Variants in PTGDR observed in about 807,000 individuals in gnomAD.
The protein encoded by PTGDR is prostaglandin D2 receptor.
In PTGDR, 19 loss-of-function variants were observed where a neutral mutation model predicts 17.4. That is an observed-to-expected ratio of 1.09 (90% CI 0.76 to 1.60). The LOEUF (loss-of-function observed/expected upper bound fraction) is 1.60, where lower values mean the gene tolerates loss of function less well. PTGDR is among the 40% of genes most tolerant of loss of function. The pLI is 0.00. For synonymous variants in PTGDR, 267 were observed against 224.2 expected, an observed-to-expected ratio of 1.19 and a Z score of -1.71; for missense variants, 526 against 481.9, an observed-to-expected ratio of 1.09 and a Z score of -0.86.
rs2033260834 is a variant in PTGDR, at chr14:52,268,548, A to AGCCC, written c.737_738insCGCC (p.Arg247AlafsTer46). The stretch of plus-strand genomic sequence containing the variant: ...CGCTCCTGCACCAGGGACTGTGCCG[A>AGCCC]GCCGCGCGCGGACGGGAGGGAAGCG... On this transcript the variant is annotated frameshift_variant, in exon 1 of 2. Transcript: ENST00000306051. LOFTEE classifies it high-confidence loss of function. 11 of 1,612,518 alleles carry AGCCC rather than the reference A, an allele frequency of 6.8e-6. No individual in the cohort carries two copies. Among genetic ancestry groups the AGCCC allele is most frequent in the Non-Finnish European group, 9.3e-6 (11 of 1,179,638 alleles).
chr14:52,268,474 C>T lies in PTGDR; in HGVS notation c.660C>T (p.Gly220=), dbSNP rs372145583. ...TCGCCACCGTGCTGTGCAACCTCGG[C>T]GCCATGCGCAACCTCTATGCGATGC... ...LVLATVLCNL[G]AMRNLYAMHR... is the part of the protein sequence containing the mutation. The change falls in exon 1 of 2, where the codon GGC becomes GGT. Residue 220 remains glycine, a synonymous_variant. Transcript: ENST00000306051. The T allele has an allele frequency of 6.2e-7, 1 of 1,610,222 alleles. No individual in the cohort carries two copies.
At chr14:52,269,057 GTTTTA>G (rs1048071865) in intron 1 of PTGDR, among the ~76,000 whole-genome samples, 6 of 152,264 alleles carry the variant, frequency 3.9e-5, no homozygotes, top group Admixed American at 1.3e-4. Context: ...GCTGGGTGAT[GTTTTA>G]TTTTGTTAGA....
rs781400897 is a variant in PTGDR, at chr14:52,268,103, G to C, written c.289G>C (p.Ala97Pro). ...YAQNRSLRVL[A>P]PALDNSLCQA... Reference sequence around the variant, plus strand: ...TCAGAACCGGAGTCTGCGGGTGCTTGCGCCCGCATTGGACAACTCGTTGTG... The same window carrying C: ...TCAGAACCGGAGTCTGCGGGTGCTTCCGCCCGCATTGGACAACTCGTTGTG... Residue 97 changes from alanine (A) to proline (P), a missense_variant, in exon 1 of 2, where the codon GCG becomes CCG. Coordinates refer to ENST00000306051, the MANE Select transcript of PTGDR (RefSeq NM_000953.3). The C allele has an allele frequency of 1.2e-6, 2 of 1,614,018 alleles. No individual in the cohort carries two copies. The highest frequency in any genetic ancestry group is 2.2e-5 in the East Asian group (1 of 44,868).
At chr14:52,279,012 T>C (rs918959612), downstream of PTGDR, among the ~76,000 whole-genome samples, 8 of 152,216 alleles carry the variant, frequency 5.3e-5, no homozygotes, top group African/African-American at 1.9e-4. Context: ...ACATTGAATC[T>C]TTCTTTCCAG....
Position 52,267,808 on chromosome 14 carries a change from G to A in PTGDR, c.-7G>A, listed in dbSNP as rs759912592. On this transcript the variant is annotated 5_prime_UTR_variant, in exon 1 of 2. Coordinates refer to ENST00000306051, the MANE Select transcript of PTGDR (RefSeq NM_000953.3). ...GCCTTCACTCCAGCCCTCTGCTCCC[G>A]CACGCCATGAAGTCGCCGTTCTACC... 6 of 1,546,630 alleles carry A rather than the reference G, an allele frequency of 3.9e-6. No homozygotes were observed. The highest frequency in any genetic ancestry group is 4.4e-6 in the Non-Finnish European group (5 of 1,146,092).
At chr14:52,278,697 C>G (rs2033457981), downstream of PTGDR, among the ~76,000 whole-genome samples, 1 of 152,104 alleles carries the variant, frequency 6.6e-6, no homozygotes, top group African/African-American at 2.4e-5. Context: ...AAGTTCATCA[C>G]TGATAGCAGT....
At position 52,267,857 on chromosome 14, in the gene PTGDR, GA is replaced by G. The variant is rs1457807755; in HGVS notation, c.48del (p.Gly17AlafsTer5). 6 of 1,597,006 alleles carry G rather than the reference GA, an allele frequency of 3.8e-6. No homozygotes were observed. The highest frequency in any genetic ancestry group is 2.6e-6 in the Non-Finnish European group (3 of 1,170,902). ...CCGCTGCCAGAACACCACCTCTGTG[GA>G]AAAAGGCAACTCGGCGGTGATGGGC... Reference protein sequence around the residue: ...FYRCQNTTSVEKGNSAVMGGV... With the variant: ...FYRCQNTTSVXKGNSAVMGGV... On this transcript the variant is annotated frameshift_variant, in exon 1 of 2. Transcript: ENST00000306051. LOFTEE classifies it high-confidence loss of function.
At position 52,268,292 on chromosome 14, in the gene PTGDR, TC is replaced by T. The variant is rs1375607030; in HGVS notation, c.481del (p.Leu161TrpfsTer109). The T allele has an allele frequency of 6.2e-7, 1 of 1,613,990 alleles. No homozygotes were observed. The highest frequency in any genetic ancestry group is 2.2e-5 in the East Asian group (1 of 44,870). On this transcript the variant is annotated frameshift_variant, in exon 1 of 2. Transcript: ENST00000306051. LOFTEE classifies it high-confidence loss of function. ...ALVAPVVSAF[S>X]LAFCALPFMG... ...GGTGGCCCCGGTGGTGAGCGCCTTC[TC>T]CCTGGCTTTCTGCGCGCTACCTTTC... is the stretch of plus-strand genomic sequence containing the variant.
chr14:52,277,239 T>C (rs1240723041), downstream of PTGDR, among the ~76,000 whole-genome samples: 1 of 152,210 alleles, frequency 6.6e-6, no homozygotes, highest in Non-Finnish European at 1.5e-5. Flanking sequence ...AGTACGCATT[T>C]ACTATTAGAA....
intron 1 of PTGDR, among the ~76,000 whole-genome samples, chr14:52,273,201 C>T (rs764406856): frequency 2.3e-4 from 35 of 151,696 alleles, no homozygotes; most frequent in Admixed American, 8.5e-4. Context: ...TTAGTAGAGA[C>T]GGTGTTTCAC....
At position 52,275,697 on chromosome 14, in the gene PTGDR, G is replaced by A. The variant is rs908294268; in HGVS notation, c.*733G>A. The A allele has an allele frequency of 2.6e-5, 4 of 152,508 alleles. No individual in the cohort carries two copies. Among genetic ancestry groups the A allele is most frequent in the Non-Finnish European group, 4.4e-5 (3 of 68,046 alleles). 9.4% of individuals were successfully genotyped at this position (152,508 alleles called of 1,614,324 possible). ...GTTTCTTTTGTATTGAGTCAAGGGT[G>A]TCAGTAGGAATCAAAAGTTGGGGGT... is the stretch of plus-strand genomic sequence containing the variant. On this transcript the variant is annotated 3_prime_UTR_variant, in exon 2 of 2. Transcript: ENST00000306051.
chr14:52,278,046 G>T (rs567149864), downstream of PTGDR, among the ~76,000 whole-genome samples: 2 of 152,090 alleles, frequency 1.3e-5, no homozygotes, highest in Non-Finnish European at 2.9e-5. Flanking sequence ...AACCATTGTG[G>T]AAGTCAGTGT....
chr14:52,268,019 A>G lies in PTGDR; in HGVS notation c.205A>G (p.Thr69Ala). Residue 69 changes from threonine (T) to alanine (A), a missense_variant, in exon 1 of 2, where the codon ACG becomes GCG. Transcript: ENST00000306051. ...CTTCTACATGCTGGTGTGTGGCCTG[A>G]CGGTCACCGACTTGCTGGGCAAGTG... ...SVFYMLVCGLTVTDLLGKCLL... is the reference protein window; with the variant it reads ...SVFYMLVCGLAVTDLLGKCLL... The G allele has an allele frequency of 6.2e-7, 1 of 1,610,712 alleles. No individual in the cohort carries two copies. Among genetic ancestry groups the G allele is most frequent in the Non-Finnish European group, 8.5e-7 (1 of 1,180,014 alleles).
In PTGDR at chr14:52,267,735, G is replaced by C; in HGVS notation, c.-80G>C. 1 of 1,459,304 alleles carries C rather than the reference G, an allele frequency of 6.9e-7. No homozygotes were observed. Among genetic ancestry groups the C allele is most frequent in the Non-Finnish European group, 9.0e-7 (1 of 1,111,206 alleles). 90.4% of individuals were successfully genotyped at this position (1,459,304 alleles called of 1,614,324 possible). ...CTCCGCCCGAGCCGCGCGCGGAGCT[G>C]CCGGGGGCTCCTTAGCACCCGGGCG... On this transcript the variant is annotated 5_prime_UTR_variant, in exon 1 of 2. Transcript: ENST00000306051.
Position 52,275,717 on chromosome 14 carries a change from G to T in PTGDR, c.*753G>T, listed in dbSNP as rs1379687144. 6.6e-6 allele frequency: 1 copy of T among 152,506 alleles called. No homozygotes were observed. Among genetic ancestry groups the T allele is most frequent in the Non-Finnish European group, 1.5e-5 (1 of 68,028 alleles). The allele number at this position is 152,506 out of a possible 1,614,324, so 9.4% of individuals were successfully genotyped here. ...AGGGTGTCAGTAGGAATCAAAAGTT[G>T]GGGGTGGGTTGCAAAATGTTCTTTC... On this transcript the variant is annotated 3_prime_UTR_variant, in exon 2 of 2. Coordinates refer to ENST00000306051, the MANE Select transcript of PTGDR (RefSeq NM_000953.3).
Position 52,267,874 on chromosome 14 carries a change from G to A in PTGDR, c.60G>A (p.Ala20=). The A allele has an allele frequency of 1.9e-6, 3 of 1,602,820 alleles. No individual in the cohort carries two copies. The highest frequency in any genetic ancestry group is 1.1e-5 in the South Asian group (1 of 90,068). The stretch of plus-strand genomic sequence containing the variant: ...CCTCTGTGGAAAAAGGCAACTCGGC[G>A]GTGATGGGCGGGGTGCTCTTCAGCA... The part of the protein sequence containing the change: ...NTTSVEKGNS[A]VMGGVLFSTG... Residue 20 remains alanine (A), a synonymous_variant, in exon 1 of 2, where the codon GCG becomes GCA. Coordinates refer to ENST00000306051, the MANE Select transcript of PTGDR (RefSeq NM_000953.3).
Position 52,274,716 on chromosome 14 carries a change from T to G in PTGDR, c.847-15T>G. The stretch of plus-strand genomic sequence containing the variant: ...ACCTTTCCACATCATAATGGAATGT[T>G]TTTCTTCAAAACAGTATCGCGCTTA... On this transcript the variant is annotated splice_polypyrimidine_tract_variant and intron_variant, in intron 1 of 1. Transcript: ENST00000306051. The G allele has an allele frequency of 6.4e-7, 1 of 1,572,742 alleles. No individual in the cohort carries two copies. Among genetic ancestry groups the G allele is most frequent in the Middle Eastern group, 1.7e-4 (1 of 5,970 alleles).
At chr14:52,273,211 C>T (rs1594620301) in intron 1 of PTGDR, among the ~76,000 whole-genome samples, 1 of 151,804 alleles carries the variant, frequency 6.6e-6, no homozygotes, top group East Asian at 1.9e-4. Context: ...CGGTGTTTCA[C>T]CATGTTGGCC....
Position 52,274,933 on chromosome 14 carries a change from G to T in PTGDR, c.1049G>T (p.Ser350Ile). 1 of 1,590,494 alleles carries T rather than the reference G, an allele frequency of 6.3e-7. No individual in the cohort carries two copies. The highest frequency in any genetic ancestry group is 8.6e-7 in the Non-Finnish European group (1 of 1,159,462). Residue 350 changes from serine to isoleucine, a missense_variant, in exon 2 of 2, where the codon AGC (serine) becomes ATC (isoleucine). Ser to Ile is a moderately radical substitution (Grantham distance 142). Transcript: ENST00000306051. ...CCTCTTAGGTACAGGAGCCGGTGCA[G>T]CAATTCCACTAACATGGAATCCAGT... ...IRPLRYRSRCSNSTNMESSL is the reference protein window; with the variant it reads ...IRPLRYRSRCINSTNMESSL
Sources: allele counts gnomAD v4.1 joint callset (sites outside exome capture counted in the v4.1 genomes callset), GRCh38; gene constraint gnomAD v4.1.1; transcripts MANE v1.5; gene names NCBI Gene and HGNC (gene_info 2026-07-23, HGNC 2026-07-21).